The following RHBDD1 variants were observed in gnomAD, a reference collection of about 807,000 sequenced individuals.
RHBDD1 encodes rhomboid-related protein 4.
In RHBDD1, 38 loss-of-function variants were observed where a neutral mutation model predicts 36.3. The observed-to-expected ratio is 1.05, with a 90% CI of 0.81 to 1.37. RHBDD1 has a LOEUF of 1.37. RHBDD1 is among the 40% of genes most tolerant of loss of function. The pLI, the probability that RHBDD1 is intolerant of heterozygous loss-of-function variation, is 0.00. For missense variants in RHBDD1, 393 were observed against 377.6 expected (o/e 1.04, Z -0.34); for synonymous variants, 151 against 136.5 (o/e 1.11, Z -0.74).
intron 8 of RHBDD1, among the ~76,000 whole-genome samples, chr2:226,957,014 T>C (rs1162331500): frequency 1.3e-5 from 2 of 152,254 alleles, no homozygotes; most frequent in African/African-American, 4.8e-5. Flanking sequence ...GTGGTCTCAA[T>C]GAGGTATCTT....
At chr2:226,858,047 G>C (rs977624198) in intron 3 of RHBDD1, among the ~76,000 whole-genome samples, 9 of 152,154 alleles carry the variant, frequency 5.9e-5, no homozygotes, top group African/African-American at 1.9e-4. Flanking sequence ...GCCAAGGTCT[G>C]ATTTTTCACA....
chr2:226,807,227 G>A, the RHBDD1 span, among the ~76,000 whole-genome samples: 1 of 151,990 alleles, frequency 6.6e-6, no homozygotes, highest in Non-Finnish European at 1.5e-5. Context: ...ATAAAGTATT[G>A]GAGGAAAATA....
At chr2:226,868,108 A>G (rs1053927936) in intron 5 of RHBDD1, among the ~76,000 whole-genome samples, 2 of 152,210 alleles carry the variant, frequency 1.3e-5, no homozygotes, top group Non-Finnish European at 2.9e-5. Flanking sequence ...AAAATGTGAA[A>G]TGGATCAGCT....
At chr2:226,841,014 C>A (rs775342627) in intron 3 of RHBDD1, among the ~76,000 whole-genome samples, 2 of 152,000 alleles carry the variant, frequency 1.3e-5, no homozygotes, top group East Asian at 3.8e-4. Context: ...AGTTGTGATT[C>A]TAAATTTGAA....
chr2:226,840,740 T>A (rs536888918), intron 3 of RHBDD1, among the ~76,000 whole-genome samples: 9 of 152,338 alleles, frequency 5.9e-5, no homozygotes, highest in African/African-American at 2.2e-4. Context: ...TATGCATTTT[T>A]AATGCAAAGT....
intron 8 of RHBDD1, among the ~76,000 whole-genome samples, chr2:226,927,823 A>T (rs1305078128): frequency 6.6e-6 from 1 of 152,040 alleles, no homozygotes; most frequent in East Asian, 1.9e-4. Context: ...CTTTGAGTTT[A>T]GGGAATTCTT....
the RHBDD1 span, among the ~76,000 whole-genome samples, chr2:226,806,153 A>T: frequency 6.6e-6 from 1 of 152,060 alleles, no homozygotes; most frequent in African/African-American, 2.4e-5. Flanking sequence ...AGAAAAAAAA[A>T]ACTGACTAGA....
intron 8 of RHBDD1, among the ~76,000 whole-genome samples, chr2:226,974,065 C>G (rs915767787): frequency 6.6e-6 from 1 of 152,036 alleles, no homozygotes; most frequent in South Asian, 2.1e-4. Flanking sequence ...GACAGATGGC[C>G]GGCGTTTGTC....
chr2:226,863,066 G>C (rs1944004578), intron 3 of RHBDD1, among the ~76,000 whole-genome samples: 1 of 152,208 alleles, frequency 6.6e-6, no homozygotes, highest in Non-Finnish European at 1.5e-5. Flanking sequence ...TTCAACATGA[G>C]GCCGGGCCTA....
intron 8 of RHBDD1, among the ~76,000 whole-genome samples, chr2:226,920,044 AT>A (rs916379489): frequency 1.3e-5 from 2 of 151,806 alleles, no homozygotes; most frequent in African/African-American, 4.8e-5. Context: ...GACTTCTTTG[AT>A]TAAGTTAATT....
chr2:226,920,996 T>C (rs888156433), intron 8 of RHBDD1, among the ~76,000 whole-genome samples: 1 of 152,164 alleles, frequency 6.6e-6, no homozygotes, highest in African/African-American at 2.4e-5. Context: ...CCAGGGTTTT[T>C]CTTTGCTGGG....
At position 226,864,806 on chromosome 2, in the gene RHBDD1, A is replaced by T. The variant is rs750820372; in HGVS notation, c.113A>T (p.Asn38Ile). 1.9e-6 allele frequency: 3 copies of T among 1,614,076 alleles called. No individual in the cohort carries two copies. The African/African-American group carries it at 4.0e-5, about 22-fold the overall frequency. Residue 38 changes from asparagine to isoleucine, a missense_variant, in exon 4 of 9, where the codon AAC (asparagine) becomes ATC (isoleucine). Coordinates refer to ENST00000392062, the MANE Select transcript of RHBDD1 (RefSeq NM_001167608.3). ...GTCACCCTAGCAACTTTGGCCCTCA[A>T]CATCTGGTTCTTCTTGAACCCTCAG... ...PPVTLATLALNIWFFLNPQKP... is the reference protein window; with the variant it reads ...PPVTLATLALIIWFFLNPQKP...
intron 5 of RHBDD1, among the ~76,000 whole-genome samples, chr2:226,894,678 G>A (rs1189333753): frequency 1.3e-5 from 2 of 152,198 alleles, no homozygotes; most frequent in African/African-American, 2.4e-5. Flanking sequence ...TACACAAAGT[G>A]TACAAGATGT....
At chr2:226,930,940 T>TA (rs1427204755) in intron 8 of RHBDD1, among the ~76,000 whole-genome samples, 15 of 152,012 alleles carry the variant, frequency 9.9e-5, no homozygotes, top group African/African-American at 3.4e-4. Flanking sequence ...CAATATGAGA[T>TA]ACTACCTTAC....
intron 8 of RHBDD1, among the ~76,000 whole-genome samples, chr2:226,994,622 G>A (rs1273862039): frequency 6.6e-6 from 1 of 152,156 alleles, no homozygotes; most frequent in East Asian, 1.9e-4. Flanking sequence ...ATCTATCAGT[G>A]ATGTGTCTTC....
the RHBDD1 span, among the ~76,000 whole-genome samples, chr2:226,828,021 A>C: frequency 6.6e-6 from 1 of 152,226 alleles, no homozygotes; most frequent in Non-Finnish European, 1.5e-5. Context: ...ATTTTTAATA[A>C]ATTTATAGTG....
intron 8 of RHBDD1, among the ~76,000 whole-genome samples, chr2:226,931,975 A>G (rs758594894): frequency 2.0e-5 from 3 of 152,094 alleles, no homozygotes; most frequent in Non-Finnish European, 4.4e-5. Flanking sequence ...ATATTTCTCC[A>G]TGTACTTAGG....
intron 8 of RHBDD1, among the ~76,000 whole-genome samples, chr2:226,969,657 CAAACA>C (rs573139107): frequency 6.6e-6 from 1 of 152,062 alleles, no homozygotes; most frequent in Non-Finnish European, 1.5e-5. Context: ...TCCTACAAAC[CAAACA>C]AATCTCCCCC....
At chr2:226,958,189 A>G (rs1412352512) in intron 8 of RHBDD1, among the ~76,000 whole-genome samples, 2 of 152,256 alleles carry the variant, frequency 1.3e-5, no homozygotes, top group African/African-American at 2.4e-5. Context: ...ATGGAATATT[A>G]TTTGGCCCTA....
Sources: allele counts gnomAD v4.1 joint callset (sites outside exome capture counted in the v4.1 genomes callset), GRCh38; gene constraint gnomAD v4.1.1; transcripts MANE v1.5; gene names NCBI Gene and HGNC (gene_info 2026-07-23, HGNC 2026-07-21).